The following SEC16B variants were observed in gnomAD, a reference collection of about 807,000 sequenced individuals.
The protein encoded by SEC16B is SEC16 homolog B, endoplasmic reticulum export factor.
Under a neutral mutation model 141.8 loss-of-function variants are expected in SEC16B, and 115 were observed. The observed-to-expected ratio is 0.81, with a 90% CI of 0.70 to 0.95. The LOEUF is 0.95. Among genes scored for constraint, SEC16B ranks in the 40% least tolerant of loss-of-function variants. The pLI is 0.00. For missense variants in SEC16B, 1,291 were observed against 1,312.3 expected, an observed-to-expected ratio of 0.98 and a Z score of 0.25; for synonymous variants, 493 against 492.5, an observed-to-expected ratio of 1.00 and a Z score of -0.01.
chr1:177,969,212 G>T (rs192682713), intron 1 of SEC16B, among the ~76,000 whole-genome samples: 1 of 152,144 alleles, frequency 6.6e-6, no homozygotes, highest in East Asian at 1.9e-4. Context: ...AGAACAAAAG[G>T]TCAAAAGAGT....
Position 177,933,597 on chromosome 1 carries a change from A to AT in SEC16B, c.2610_2611insA (p.Ser871IlefsTer9), listed in dbSNP as rs1650618614. On this transcript the variant is annotated frameshift_variant, in exon 21 of 26. Transcript: ENST00000308284. LOFTEE classifies it high-confidence loss of function. ...TCATCCTCCTTGGCTGAACTGGCGG[A>AT]ACTCTCAGAAATACTTCGTGGTCTA... 6.2e-7 allele frequency: 1 copy of AT among 1,613,852 alleles called. No homozygotes were observed. The highest frequency in any genetic ancestry group is 8.5e-7 in the Non-Finnish European group (1 of 1,179,866).
intron 12 of SEC16B, chr1:177,948,773 C>G (rs1325821616): frequency 9.9e-7 from 1 of 1,007,564 alleles, no homozygotes; most frequent in Non-Finnish European, 1.3e-6. Context: ...CTTAATGTCT[C>G]TGAACCTTTG....
rs537006837 is a variant in SEC16B, at chr1:177,949,808, A to C, written c.1546-1866T>G. On this transcript the variant is annotated intron_variant, in intron 12 of 25. Transcript: ENST00000308284. ...GCTTTTCCACCACCCCATTCATCAC[A>C]TGGAACTGAAGTCCAGCCTTTTAGT... is the stretch of plus-strand genomic sequence containing the variant. Among the ~76,000 whole-genome samples the C allele has an allele frequency of 2.0e-5, 3 of 152,284 alleles. No individual in the cohort carries two copies. The South Asian group carries it at 6.2e-4, about 32-fold the overall frequency.
Position 177,965,934 on chromosome 1 carries a change from T to C in SEC16B, c.371A>G (p.Tyr124Cys), listed in dbSNP as rs1021495954. The change falls in exon 3 of 26, where the codon TAT becomes TGT. Residue 124 changes from tyrosine (Y) to cysteine (C), a missense_variant. Physicochemically the swap from Tyr to Cys is radical, Grantham distance 194. This residue lies in a region of SEC16B where 681 missense variants were observed against 675.5 expected (regional missense o/e 1.01). Transcript: ENST00000308284. The stretch of plus-strand genomic sequence containing the variant: ...CCACTGTGGGTGTCCATGATAGTAA[T>C]AACTTCCATAAGCATATTCCTCCCT... ...TMREEYAYGS[Y>C]YYHGHPQWLQ... is the part of the protein sequence containing the mutation. 1.3e-6 allele frequency: 2 copies of C among 1,598,996 alleles called. No homozygotes were observed. The highest frequency in any genetic ancestry group is 2.7e-5 in the African/African-American group (2 of 74,800).
chr1:177,978,776 T>C (rs1654286260), intron 1 of SEC16B, among the ~76,000 whole-genome samples: 1 of 152,112 alleles, frequency 6.6e-6, no homozygotes, highest in Non-Finnish European at 1.5e-5. Flanking sequence ...TCTAGGCTGT[T>C]CAGAGTATAT....
At chr1:177,941,698 C>T (rs577109581) in intron 16 of SEC16B, among the ~76,000 whole-genome samples, 25 of 152,322 alleles carry the variant, frequency 1.6e-4, no homozygotes, top group African/African-American at 2.6e-4. Flanking sequence ...CACCACCACC[C>T]GCCCAGAGAA....
At chr1:177,936,270 T>TGGC (rs1197833221) in intron 20 of SEC16B, 28 bp downstream of exon 20, 2 of 1,585,596 alleles carry the variant, frequency 1.3e-6, no homozygotes, top group Non-Finnish European at 1.7e-6. Flanking sequence ...GAGTGGGCAG[T>TGGC]GGCATCTTTT....
Position 177,928,892 on chromosome 1 carries a change from T to A in SEC16B, c.*966A>T, listed in dbSNP as rs1446347355. On this transcript the variant is annotated 3_prime_UTR_variant, in exon 26 of 26. Transcript: ENST00000308284. Reference sequence around the variant, plus strand: ...ATTACATGTACAAAAAAAAATGTTCTTTGTGAGGAGCAATTTTCAGCAAAT... The same window carrying A: ...ATTACATGTACAAAAAAAAATGTTCATTGTGAGGAGCAATTTTCAGCAAAT... 1 of 152,196 alleles carries A rather than the reference T, an allele frequency of 6.6e-6. No individual in the cohort carries two copies. The highest frequency in any genetic ancestry group is 1.5e-5 in the Non-Finnish European group (1 of 68,028). 9.4% of individuals were successfully genotyped at this position (152,196 alleles called of 1,614,324 possible). A position where few individuals can be genotyped will look rare whatever the true frequency, so the allele number is the denominator to read the frequency against.
intron 5 of SEC16B, 115 bp downstream of exon 5, chr1:177,964,056 C>T (rs1653299245): frequency 1.5e-6 from 1 of 677,756 alleles, no homozygotes; most frequent in Non-Finnish European, 2.5e-6. Context: ...GGAATGGGTC[C>T]TCCAGACGGC....
At position 177,962,789 on chromosome 1, in the gene SEC16B, G is replaced by T. The variant is rs140527436; in HGVS notation, c.643-1055C>A. Among the ~76,000 whole-genome samples the T allele has an allele frequency of 3.9e-3, 587 of 151,276 alleles. 6 individuals carry two copies. The highest frequency in any genetic ancestry group is 0.014 in the African/African-American group (574 of 41,228). On this transcript the variant is annotated intron_variant, in intron 5 of 25. Transcript: ENST00000308284. ...AATTCATTGAATTTACATCTTGTGTGCATACAAGTAAAATAATGGATTCAA... is the reference window on the plus strand; with the variant it reads ...AATTCATTGAATTTACATCTTGTGTTCATACAAGTAAAATAATGGATTCAA...
intron 15 of SEC16B, among the ~76,000 whole-genome samples, chr1:177,942,542 C>T (rs764589677): frequency 5.3e-5 from 8 of 152,084 alleles, no homozygotes; most frequent in Admixed American, 1.3e-4. Context: ...GTGGCATGCA[C>T]CTGTAGTCCC....
intron 6 of SEC16B, 172 bp downstream of exon 6, chr1:177,961,418 T>C: frequency 3.2e-6 from 2 of 627,746 alleles, no homozygotes; most frequent in Non-Finnish European, 5.3e-6. Flanking sequence ...GCAATTACTA[T>C]TACAAGCAAA....
chr1:177,980,917 G>T (rs775401706), intron 1 of SEC16B, among the ~76,000 whole-genome samples: 5 of 152,078 alleles, frequency 3.3e-5, no homozygotes, highest in African/African-American at 4.8e-5. Context: ...AAGAGGCGAA[G>T]GAAGACCTGG....
Position 177,965,913 on chromosome 1 carries a change from T to G in SEC16B, c.392A>C (p.Gln131Pro), listed in dbSNP as rs1392240424. 1 of 1,592,832 alleles carries G rather than the reference T, an allele frequency of 6.3e-7. No homozygotes were observed. Among genetic ancestry groups the G allele is most frequent in the South Asian group, 1.1e-5 (1 of 87,410 alleles). ...CATACCTCTTTCTTCCTGCAGCCAC[T>G]GTGGGTGTCCATGATAGTAATAACT... ...YGSYYYHGHP[Q>P]WLQEERVPRQ... is the part of the protein sequence containing the mutation. Residue 131 changes from glutamine to proline, a missense_variant, in exon 3 of 26, where the codon CAG becomes CCG. Around this residue, in one of 3 missense-constraint regions of SEC16B, gnomAD observed 681 missense variants for 675.5 expected, o/e 1.01. Coordinates refer to ENST00000308284, the MANE Select transcript of SEC16B (RefSeq NM_033127.4).
chr1:177,935,166 G>A (rs941129843), intron 20 of SEC16B, among the ~76,000 whole-genome samples: 1 of 151,914 alleles, frequency 6.6e-6, no homozygotes, highest in African/African-American at 2.4e-5. Context: ...ACCTTCCTTG[G>A]CCACCCCTCT....
At chr1:177,980,769 AAG>A (rs549286009) in intron 1 of SEC16B, among the ~76,000 whole-genome samples, 19,566 of 143,278 alleles carry the variant, frequency 0.14, 1,467 homozygotes, top group East Asian at 0.4. Flanking sequence ...GAAAAAAAAA[AAG>A]AAAGAAAGAA....
intron 20 of SEC16B, 109 bp from the exon 21 acceptor site, chr1:177,933,745 T>C: frequency 9.1e-7 from 1 of 1,101,494 alleles, no homozygotes; most frequent in Non-Finnish European, 1.3e-6. Context: ...GACTGTTGTC[T>C]CAGGATCATA....
Position 177,932,518 on chromosome 1 carries a change from G to A in SEC16B, c.2984C>T (p.Ala995Val). 1 of 1,554,166 alleles carries A rather than the reference G, an allele frequency of 6.4e-7. No homozygotes were observed. The change falls in exon 24 of 26, where the codon GCT becomes GTT. Residue 995 changes from alanine (A) to valine (V), a missense_variant. Ala to Val is a moderately conservative substitution (Grantham distance 64, BLOSUM62 0). This residue lies in a region of SEC16B where 605 missense variants were observed against 614.1 expected (regional missense o/e 0.99). Transcript: ENST00000308284. ...TGGTCCAGACAAGCCTCCAACCCCA[G>A]CGCCCGCAGCTGCTCCCCCGCTGGA... is the stretch of plus-strand genomic sequence containing the variant. ...SASSGGAAAG[A>V]GVGGLSGPES...
intron 20 of SEC16B, 120 bp from the exon 21 acceptor site, chr1:177,933,756 TTG>T: frequency 9.8e-7 from 1 of 1,015,384 alleles, no homozygotes; most frequent in Admixed American, 2.2e-5. Flanking sequence ...CAGGATCATA[TTG>T]TACTGAAGAG....
Sources: allele counts gnomAD v4.1 joint callset (sites outside exome capture counted in the v4.1 genomes callset), GRCh38; gene constraint gnomAD v4.1.1; regional missense constraint gnomAD v4.1.1; transcripts MANE v1.5; gene names NCBI Gene and HGNC (gene_info 2026-07-23, HGNC 2026-07-21).